The following ENTPD4 variants were observed in gnomAD, a reference collection of about 807,000 sequenced individuals.
The protein encoded by ENTPD4 is ectonucleoside triphosphate diphosphohydrolase 4.
ENTPD4 carries 60 observed loss-of-function variants against 79.1 expected under a neutral mutation model. The observed-to-expected ratio is 0.76, with a 90% confidence interval of 0.62 to 0.94. The LOEUF (loss-of-function observed/expected upper bound fraction) is 0.94. Among genes scored for constraint, ENTPD4 ranks in the 40% least tolerant of loss-of-function variants. The pLI is 0.00. For synonymous variants in ENTPD4, 276 were observed against 292.0 expected, an observed-to-expected ratio of 0.95 and a Z score of 0.56; for missense variants, 772 against 775.1, an observed-to-expected ratio of 1.00 and a Z score of 0.05.
At position 23,429,308 on chromosome 8, in the gene ENTPD4, A is replaced by G; in HGVS notation, c.*3618T>C. Reference sequence around the variant, plus strand: ...GATGGAAGACATCGCTTAAACAAAAAACATTTAAAGATGCTCCCTTGCTTT... The same window carrying G: ...GATGGAAGACATCGCTTAAACAAAAGACATTTAAAGATGCTCCCTTGCTTT... On this transcript the variant is annotated 3_prime_UTR_variant, in exon 13 of 13. Coordinates refer to ENST00000358689, the MANE Select transcript of ENTPD4 (RefSeq NM_004901.5). The G allele has an allele frequency of 1.0e-6, 1 of 985,438 alleles. No individual in the cohort carries two copies. The allele number at this position is 985,438 out of a possible 1,614,324, so 61.0% of individuals were successfully genotyped here.
chr8:23,445,048 A>G (rs2117294960), intron 4 of ENTPD4, among the ~76,000 whole-genome samples: 1 of 152,042 alleles, frequency 6.6e-6, no homozygotes. Flanking sequence ...CCTCACAGCC[A>G]CCCCCAATGC....
At chr8:23,452,194 A>C (rs770184728) in intron 1 of ENTPD4, among the ~76,000 whole-genome samples, 2 of 152,230 alleles carry the variant, frequency 1.3e-5, no homozygotes, top group Middle Eastern at 3.4e-3. Flanking sequence ...CTTCCCCCAG[A>C]ATGGGAGCTC....
chr8:23,457,397 G>T (rs1480185351), intron 1 of ENTPD4, among the ~76,000 whole-genome samples, 160 bp downstream of exon 1: 1 of 75,172 alleles, frequency 1.3e-5, no homozygotes, highest in Non-Finnish European at 2.5e-5. Context: ...GGGGAGGCGG[G>T]AACCGGTCCG....
chr8:23,448,668 G>A, intron 3 of ENTPD4, 74 bp downstream of exon 3: 2 of 1,257,496 alleles, frequency 1.6e-6, no homozygotes, highest in Non-Finnish European at 2.3e-6. Flanking sequence ...ATGGAATTCT[G>A]TTCCAGCAGC....
intron 1 of ENTPD4, 68 bp from the exon 2 acceptor site, chr8:23,450,065 G>A (rs1800831979): frequency 1.2e-6 from 1 of 806,930 alleles, no homozygotes; most frequent in African/African-American, 1.7e-5. Flanking sequence ...TTCTTTAAGT[G>A]TGTGCTTAAA....
chr8:23,433,629 G>T (rs532382103), intron 12 of ENTPD4, among the ~76,000 whole-genome samples: 1 of 152,118 alleles, frequency 6.6e-6, no homozygotes, highest in Non-Finnish European at 1.5e-5. Context: ...ACGTGAATGG[G>T]GAAAAACGCA....
At chr8:23,441,750 G>A (rs1181061907) in intron 7 of ENTPD4, 27 bp from the exon 8 acceptor site, 1 of 1,610,680 alleles carries the variant, frequency 6.2e-7, no homozygotes, top group African/African-American at 1.3e-5. Flanking sequence ...GTGTTCACTG[G>A]AACAGAACTA....
intron 4 of ENTPD4, among the ~76,000 whole-genome samples, 172 bp downstream of exon 4, chr8:23,447,508 C>A (rs1375822338): frequency 6.6e-6 from 1 of 152,116 alleles, no homozygotes; most frequent in East Asian, 1.9e-4. Context: ...GTGTTAGTCA[C>A]CCTTTGCAAA....
rs1800443522 is a variant in ENTPD4 at position 23,430,927 on chromosome 8, TAAC to T, written c.*1996_*1998del. The T allele has an allele frequency of 2.0e-6, 2 of 985,298 alleles. No homozygotes were observed. Among genetic ancestry groups the T allele is most frequent in the South Asian group, 9.4e-5 (2 of 21,290 alleles). 61.0% of individuals were successfully genotyped at this position (985,298 alleles called of 1,614,324 possible). A position where few individuals can be genotyped will look rare whatever the true frequency, so the allele number is the denominator to read the frequency against. ...GGTAGCCAGAAGCTCACCCCTTTCT[TAAC>T]AACTTTGACCACGAAGCGCAAATAC... On this transcript the variant is annotated 3_prime_UTR_variant, in exon 13 of 13. Coordinates refer to ENST00000358689, the MANE Select transcript of ENTPD4 (RefSeq NM_004901.5).
Position 23,432,084 on chromosome 8 carries a change from T to C in ENTPD4, c.*842A>G, listed in dbSNP as rs868312718. The stretch of plus-strand genomic sequence containing the variant: ...ATAAATGGTTATCTCCTGGTGCCCA[T>C]GTTTCTCTGTTTTGGATATAAATGG... On this transcript the variant is annotated 3_prime_UTR_variant, in exon 13 of 13. Coordinates refer to ENST00000358689, the MANE Select transcript of ENTPD4 (RefSeq NM_004901.5). 1.0e-6 allele frequency: 1 copy of C among 985,318 alleles called. No individual in the cohort carries two copies. The highest frequency in any genetic ancestry group is 1.2e-6 in the Non-Finnish European group (1 of 829,856). 61.0% of individuals were successfully genotyped at this position (985,318 alleles called of 1,614,324 possible).
intron 1 of ENTPD4, among the ~76,000 whole-genome samples, chr8:23,453,329 G>A (rs576001355): frequency 6.6e-6 from 1 of 152,250 alleles, no homozygotes; most frequent in East Asian, 1.9e-4. Context: ...GGATTTTAAT[G>A]TTTTTATAAA....
intron 8 of ENTPD4, among the ~76,000 whole-genome samples, chr8:23,440,383 A>G (rs570975325): frequency 3.1e-4 from 47 of 152,342 alleles, no homozygotes; most frequent in African/African-American, 1.1e-3. Context: ...ATAAACTAAG[A>G]TTATAACAAC....
rs142210988 is a variant in ENTPD4, at chr8:23,436,976, C to G, written c.1332G>C (p.Met444Ile). The G allele has an allele frequency of 1.9e-5, 31 of 1,611,522 alleles. No individual in the cohort carries two copies. Among genetic ancestry groups the G allele is most frequent in the Middle Eastern group, 3.3e-4 (2 of 6,042 alleles). Reference sequence around the variant, plus strand: ...ATTTAGCAGCATTGTAGTCTCCCCCCATTCGTAACACATCCTCGGTGCAGT... The same window carrying G: ...ATTTAGCAGCATTGTAGTCTCCCCCGATTCGTAACACATCCTCGGTGCAGT... The part of the protein sequence containing the change: ...FYYCTEDVLR[M>I]GGDYNAAKFT... The change falls in exon 10 of 13, where the codon ATG (methionine) becomes ATC (isoleucine). Residue 444 changes from methionine to isoleucine, a missense_variant. Transcript: ENST00000358689.
rs1208637073 is a variant in ENTPD4 at position 23,432,736 on chromosome 8, G to C, written c.*190C>G. 3 of 1,279,908 alleles carry C rather than the reference G, an allele frequency of 2.3e-6. No individual in the cohort carries two copies. Among genetic ancestry groups the C allele is most frequent in the Non-Finnish European group, 2.1e-6 (2 of 968,536 alleles). 79.3% of individuals were successfully genotyped at this position (1,279,908 alleles called of 1,614,324 possible). On this transcript the variant is annotated 3_prime_UTR_variant, in exon 13 of 13. Transcript: ENST00000358689. ...GATGGTCTCGATCTCCTGACCTCAT[G>C]ATCCGCCCGCCTCGGCCTCCCAAAG...
In ENTPD4 at chr8:23,447,763, T is replaced by C; in HGVS notation, c.329A>G (p.His110Arg). Residue 110 changes from histidine (H) to arginine (R), a missense_variant, in exon 4 of 13, where the codon CAT becomes CGT. Transcript: ENST00000358689. The part of the protein sequence containing the change: ...SRVFVYCWPR[H>R]NGNPHDLLDI... ...CAACAGATCATGTGGATTGCCATTA[T>C]GCCTTGGCCAGCAGTAAACAAATAC... 2 of 1,614,228 alleles carry C rather than the reference T, an allele frequency of 1.2e-6. No homozygotes were observed. The highest frequency in any genetic ancestry group is 1.7e-6 in the Non-Finnish European group (2 of 1,180,020).
chr8:23,446,444 G>A (rs1800764572), intron 4 of ENTPD4, among the ~76,000 whole-genome samples: 1 of 152,012 alleles, frequency 6.6e-6, no homozygotes, highest in Non-Finnish European at 1.5e-5. Flanking sequence ...TCTAGGTTAG[G>A]GATACATAAA....
chr8:23,447,646 C>A (rs752264578), intron 4 of ENTPD4, 34 bp downstream of exon 4: 1 of 1,542,646 alleles, frequency 6.5e-7, no homozygotes, highest in East Asian at 2.2e-5. Context: ...AGGTACACAC[C>A]CTGGTTACCA....
At chr8:23,443,819 C>T in intron 6 of ENTPD4, 31 bp downstream of exon 6, 2 of 1,413,866 alleles carry the variant, frequency 1.4e-6, no homozygotes, top group Non-Finnish European at 2.0e-6. Context: ...AACAGCTTCC[C>T]AAATTTTAAA....
chr8:23,452,672 C>A (rs924000901), intron 1 of ENTPD4, among the ~76,000 whole-genome samples: 1 of 152,168 alleles, frequency 6.6e-6, no homozygotes, highest in African/African-American at 2.4e-5. Context: ...CTGTCTCATT[C>A]CCTGACAGAC....
Sources: allele counts gnomAD v4.1 joint callset (sites outside exome capture counted in the v4.1 genomes callset), GRCh38; gene constraint gnomAD v4.1.1; transcripts MANE v1.5; gene names NCBI Gene and HGNC (gene_info 2026-07-23, HGNC 2026-07-21).